The following RAPGEF4 variants were observed in gnomAD, a reference collection of about 807,000 sequenced individuals.
RAPGEF4 encodes RAP guanine-nucleotide-exchange factor (GEF) 4.
In RAPGEF4, 66 loss-of-function variants were observed where a neutral mutation model predicts 147.9. The observed-to-expected ratio is 0.45, with a 90% CI of 0.37 to 0.55. RAPGEF4 has a LOEUF of 0.55. Ranked by LOEUF, RAPGEF4 falls within the 20% of genes least tolerant of loss-of-function variation. The pLI, the probability that RAPGEF4 is intolerant of heterozygous loss-of-function variation, is 0.00. For missense variants in RAPGEF4, 1,071 were observed against 1,257.3 expected, an observed-to-expected ratio of 0.85 and a Z score of 2.24; for synonymous variants, 419 against 442.7, an observed-to-expected ratio of 0.95 and a Z score of 0.67.
At chr2:172,972,122 T>C (rs1450041623) in intron 10 of RAPGEF4, among the ~76,000 whole-genome samples, 1 of 152,148 alleles carries the variant, frequency 6.6e-6, no homozygotes, top group Non-Finnish European at 1.5e-5. Flanking sequence ...TATCCCTTAA[T>C]TGGCTGCCCT....
chr2:172,933,502 A>C (rs1315493338), intron 6 of RAPGEF4, among the ~76,000 whole-genome samples: 1 of 152,154 alleles, frequency 6.6e-6, no homozygotes, highest in African/African-American at 2.4e-5. Flanking sequence ...TAGATTTTGC[A>C]CCGTACCTGG....
intron 29 of RAPGEF4, among the ~76,000 whole-genome samples, chr2:173,045,928 G>T (rs914687057): frequency 2.0e-5 from 3 of 152,152 alleles, no homozygotes; most frequent in Admixed American, 6.5e-5. Flanking sequence ...GTCAGTAACT[G>T]CTTAATATTA....
At chr2:172,790,579 G>A (rs1192624672) in intron 1 of RAPGEF4, among the ~76,000 whole-genome samples, 2 of 152,056 alleles carry the variant, frequency 1.3e-5, no homozygotes, top group Admixed American at 6.5e-5. Context: ...CTTCCTCTTG[G>A]CTGTTGATCT....
At chr2:172,780,604 G>C (rs1684595172) in intron 1 of RAPGEF4, among the ~76,000 whole-genome samples, 1 of 152,130 alleles carries the variant, frequency 6.6e-6, no homozygotes, top group Non-Finnish European at 1.5e-5. Flanking sequence ...CTTCTCAGTT[G>C]CCTTTAGCTC....
chr2:172,992,934 A>G (rs1038253689), intron 15 of RAPGEF4, among the ~76,000 whole-genome samples: 1 of 152,172 alleles, frequency 6.6e-6, no homozygotes. Context: ...GGGCATGTAG[A>G]TAAATATGGG....
chr2:173,001,993 C>CAAAAAAAAAGAAAAA (rs1693971650), intron 17 of RAPGEF4, among the ~76,000 whole-genome samples: 1 of 79,312 alleles, frequency 1.3e-5, no homozygotes, highest in African/African-American at 4.2e-5. Context: ...GTGATGCTGG[C>CAAAAAAAAAGAAAAA]AAAAAAAAAA....
chr2:172,735,940 C>T lies in RAPGEF4; in HGVS notation c.-44C>T, dbSNP rs1319050764. On this transcript the variant is annotated 5_prime_UTR_variant, in exon 1 of 31. Coordinates refer to ENST00000397081, the MANE Select transcript of RAPGEF4 (RefSeq NM_007023.4). ...GGCGGAGGCGCAGGCAGAGCGAGCGCGGGAGGTCGCCGCAGCCAGGGACAC... is the reference window on the plus strand; with the variant it reads ...GGCGGAGGCGCAGGCAGAGCGAGCGTGGGAGGTCGCCGCAGCCAGGGACAC... 7.0e-7 allele frequency: 1 copy of T among 1,419,090 alleles called. No individual in the cohort carries two copies. The highest frequency in any genetic ancestry group is 2.6e-5 in the Admixed American group (1 of 38,450). The allele number at this position is 1,419,090 out of a possible 1,614,324, so 87.9% of individuals were successfully genotyped here.
At chr2:173,025,492 G>C (rs1240926040) in intron 23 of RAPGEF4, among the ~76,000 whole-genome samples, 2 of 152,002 alleles carry the variant, frequency 1.3e-5, no homozygotes, top group African/African-American at 4.8e-5. Flanking sequence ...GCCCAGGCTG[G>C]GGTGCAGTGG....
chr2:172,992,036 T>C (rs933834971), intron 15 of RAPGEF4, among the ~76,000 whole-genome samples: 4 of 152,214 alleles, frequency 2.6e-5, no homozygotes, highest in Admixed American at 6.5e-5. Context: ...ATGGCAGAGC[T>C]TGGATTCAAG....
At chr2:172,781,961 C>T (rs1684723282) in intron 1 of RAPGEF4, among the ~76,000 whole-genome samples, 1 of 152,094 alleles carries the variant, frequency 6.6e-6, no homozygotes, top group Non-Finnish European at 1.5e-5. Flanking sequence ...ATATGGAGGG[C>T]CAGCTGTACT....
intron 6 of RAPGEF4, among the ~76,000 whole-genome samples, chr2:172,940,573 C>T (rs1243141143): frequency 6.6e-6 from 1 of 152,148 alleles, no homozygotes; most frequent in African/African-American, 2.4e-5. Context: ...GAGGCCTCCC[C>T]ATAAGTAGAT....
intron 8 of RAPGEF4, among the ~76,000 whole-genome samples, chr2:172,962,933 T>A (rs1689447292): frequency 6.6e-6 from 1 of 152,200 alleles, no homozygotes; most frequent in South Asian, 2.1e-4. Flanking sequence ...TATCTGAGAC[T>A]GGGTAATTTT....
In RAPGEF4 at chr2:173,001,254, T is replaced by C. The variant is rs1251751972; in HGVS notation, c.1580-12T>C. On this transcript the variant is annotated splice_polypyrimidine_tract_variant and intron_variant, in intron 16 of 30. Transcript: ENST00000397081. ...GAACCTAATTTCCTTTTCTGTTTTTTTCCCCTTCCAGATTCTGTTTTAAAT... is the reference window on the plus strand; with the variant it reads ...GAACCTAATTTCCTTTTCTGTTTTTCTCCCCTTCCAGATTCTGTTTTAAAT... 6.2e-7 allele frequency: 1 copy of C among 1,613,566 alleles called. No homozygotes were observed. The highest frequency in any genetic ancestry group is 1.3e-5 in the African/African-American group (1 of 74,970).
At chr2:172,829,883 C>G (rs1383750509) in intron 4 of RAPGEF4, among the ~76,000 whole-genome samples, 3 of 151,060 alleles carry the variant, frequency 2.0e-5, no homozygotes, top group Non-Finnish European at 4.4e-5. Context: ...ACAACAGGTG[C>G]TTTTTACCTG....
Position 172,988,879 on chromosome 2 carries a change from T to G in RAPGEF4, c.1374+40T>G, listed in dbSNP as rs1460625471. The G allele has an allele frequency of 3.8e-6, 6 of 1,593,484 alleles. No homozygotes were observed. In the African/African-American group the frequency reaches 8.1e-5, roughly 21 times the overall value. On this transcript the variant is annotated intron_variant, in intron 14 of 30. Coordinates refer to ENST00000397081, the MANE Select transcript of RAPGEF4 (RefSeq NM_007023.4). Reference sequence around the variant, plus strand: ...AAGTGTGGCTGAGAGACAGCCCATTTTTTTCTTTAACTAAATAAGCAAAGC... The same window carrying G: ...AAGTGTGGCTGAGAGACAGCCCATTGTTTTCTTTAACTAAATAAGCAAAGC...
chr2:172,954,429 A>G (rs1688530004), intron 6 of RAPGEF4, among the ~76,000 whole-genome samples: 1 of 152,216 alleles, frequency 6.6e-6, no homozygotes, highest in African/African-American at 2.4e-5. Context: ...ACAAGAGAAA[A>G]GCTGAAACTG....
intron 4 of RAPGEF4, chr2:172,889,936 C>T (rs1337714978): frequency 5.7e-6 from 3 of 528,530 alleles, no homozygotes; most frequent in Middle Eastern, 9.2e-4. Context: ...GGGAATGTTT[C>T]GTGATGTGCT....
At chr2:172,977,044 A>G (rs1006781600) in intron 10 of RAPGEF4, among the ~76,000 whole-genome samples, 2 of 152,228 alleles carry the variant, frequency 1.3e-5, no homozygotes, top group African/African-American at 4.8e-5. Flanking sequence ...TCCCTGTGTC[A>G]TCTGGAGAAG....
chr2:172,958,426 A>G (rs967910483), intron 6 of RAPGEF4, among the ~76,000 whole-genome samples: 1 of 152,246 alleles, frequency 6.6e-6, no homozygotes, highest in Non-Finnish European at 1.5e-5. Context: ...TCAGGGTCCC[A>G]GTGTATGATG....
Sources: gnomAD v4.1 joint callset for allele counts (sites outside exome capture counted in the v4.1 genomes callset) on GRCh38, gnomAD v4.1.1 for gene constraint, MANE v1.5 for transcripts, NCBI Gene and HGNC (gene_info 2026-07-23, HGNC 2026-07-21) for gene names.